The following FLNB variants were observed in gnomAD, a reference collection of about 807,000 sequenced individuals.
FLNB encodes the protein filamin B.
FLNB carries 111 observed loss-of-function variants against 250.6 expected under a neutral mutation model. That is an observed-to-expected ratio of 0.44 (90% confidence interval 0.38 to 0.52). FLNB has a LOEUF of 0.52. Among genes scored for constraint, FLNB ranks in the 20% least tolerant of loss-of-function variants. FLNB has a pLI of 0.00. For missense variants in FLNB, 2,869 were observed against 3,447.8 expected, an observed-to-expected ratio of 0.83 and a Z score of 4.20; for synonymous variants, 1,302 against 1,372.1, an observed-to-expected ratio of 0.95 and a Z score of 1.13.
chr3:58,134,811 A>T, intron 27 of FLNB, 39 bp downstream of exon 27: 2 of 1,586,532 alleles, frequency 1.3e-6, no homozygotes, highest in South Asian at 2.2e-5. Context: ...CCTTAATCCT[A>T]AGACTTAATT....
Position 58,163,161 on chromosome 3 carries a change from T to C in FLNB, c.7029T>C (p.Tyr2343=), listed in dbSNP as rs80356518. 1.9e-6 allele frequency: 3 copies of C among 1,614,054 alleles called. No individual in the cohort carries two copies. The African/African-American group carries it at 4.0e-5, about 22-fold the overall frequency. ...CTTTGCTCATTCTCCTAGATAAGTA[T>C]GCTGTTCGCTTCATCCCTCATGAGA... ...CHVSELEPDK[Y]AVRFIPHENG... is the part of the protein sequence containing the mutation. Residue 2343 remains tyrosine, a synonymous_variant, in exon 43 of 46, where the codon TAT becomes TAC. Coordinates refer to ENST00000295956, the MANE Select transcript of FLNB (RefSeq NM_001457.4).
intron 1 of FLNB, among the ~76,000 whole-genome samples, chr3:58,057,345 A>G (rs113163034): frequency 0.058 from 8,793 of 152,260 alleles, 815 homozygotes; most frequent in African/African-American, 0.2. Context: ...ACTGAATTAT[A>G]CTTCTATTAA....
chr3:58,140,896 C>T (rs951612678), intron 29 of FLNB, among the ~76,000 whole-genome samples: 5 of 152,180 alleles, frequency 3.3e-5, no homozygotes, highest in African/African-American at 9.7e-5. Flanking sequence ...TGAGCCACTG[C>T]GCCCAGCCAT....
intron 1 of FLNB, among the ~76,000 whole-genome samples, chr3:58,030,112 T>C (rs2097128889): frequency 1.3e-5 from 2 of 152,194 alleles, no homozygotes; most frequent in South Asian, 4.1e-4. Context: ...GGTTTCAGCT[T>C]TGTTAGAACA....
chr3:58,064,245 A>G (rs773195335), intron 1 of FLNB, among the ~76,000 whole-genome samples: 2 of 152,098 alleles, frequency 1.3e-5, no homozygotes, highest in Admixed American at 6.6e-5. Flanking sequence ...GGTTCAAGCA[A>G]TTCTCCTGCC....
Position 58,056,110 on chromosome 3 carries a change from T to TTA in FLNB, c.293-20935_293-20934insAT, listed in dbSNP as rs1559661901. 2.8e-3 allele frequency among the ~76,000 whole-genome samples: 377 copies of TTA among 132,856 alleles called. 2 individuals are homozygous for TTA. Among genetic ancestry groups the TTA allele is most frequent in the African/African-American group, 0.014 (356 of 25,652 alleles). The allele number at this position is 132,856 out of a possible 152,430, so 87.2% of individuals were successfully genotyped here. A position where few individuals can be genotyped will look rare whatever the true frequency, so the allele number is the denominator to read the frequency against. On this transcript the variant is annotated intron_variant, in intron 1 of 45. Coordinates refer to ENST00000295956, the MANE Select transcript of FLNB (RefSeq NM_001457.4). Reference sequence around the variant, plus strand: ...ATTTATTTATTTATTTATTTATTTTTTTTTTTTTTGAGGTGGAGTCTCACT... The same window carrying TTA: ...ATTTATTTATTTATTTATTTATTTTTTATTTTTTTTTGAGGTGGAGTCTCACT...
intron 4 of FLNB, 33 bp from the exon 5 acceptor site, chr3:58,094,803 G>A: frequency 6.3e-7 from 1 of 1,576,712 alleles, no homozygotes; most frequent in Non-Finnish European, 8.7e-7. Flanking sequence ...ACCCTCGCCT[G>A]GCTTCTAACA....
At chr3:58,033,122 G>C (rs2097133229) in intron 1 of FLNB, among the ~76,000 whole-genome samples, 1 of 152,104 alleles carries the variant, frequency 6.6e-6, no homozygotes, top group Non-Finnish European at 1.5e-5. Context: ...AGGTATAATT[G>C]TTATACAATG....
intron 32 of FLNB, among the ~76,000 whole-genome samples, chr3:58,145,238 A>G (rs2097333946): frequency 6.6e-6 from 1 of 152,152 alleles, no homozygotes; most frequent in Non-Finnish European, 1.5e-5. Flanking sequence ...ATATAATTTT[A>G]TTCTATTTTG....
chr3:58,038,760 G>T (rs1471160517), intron 1 of FLNB, among the ~76,000 whole-genome samples: 1 of 152,080 alleles, frequency 6.6e-6, no homozygotes, highest in African/African-American at 2.4e-5. Flanking sequence ...CACCTCCTTA[G>T]CTCTGGCAGT....
intron 40 of FLNB, among the ~76,000 whole-genome samples, chr3:58,155,458 T>A (rs1308758006): frequency 6.6e-6 from 1 of 152,266 alleles, no homozygotes; most frequent in Non-Finnish European, 1.5e-5. Context: ...CATGCATATC[T>A]TCGTTAATAC....
chr3:58,018,743 C>T (rs1181494936), intron 1 of FLNB, among the ~76,000 whole-genome samples: 2 of 151,964 alleles, frequency 1.3e-5, no homozygotes. Context: ...GTCTCGAACT[C>T]CCAACCTCAG....
At chr3:58,045,391 G>T (rs940042042) in intron 1 of FLNB, among the ~76,000 whole-genome samples, 2 of 152,200 alleles carry the variant, frequency 1.3e-5, no homozygotes, top group African/African-American at 4.8e-5. Flanking sequence ...ACTGCAGGCT[G>T]TAGGCAGCCC....
At chr3:58,123,808 G>A (rs2097293089) in intron 21 of FLNB, 118 bp downstream of exon 21, 1 of 816,806 alleles carries the variant, frequency 1.2e-6, no homozygotes, top group Admixed American at 2.4e-5. Context: ...ATATAAGGCG[G>A]TGCTCACCTG....
At chr3:58,064,115 CT>C in intron 1 of FLNB, among the ~76,000 whole-genome samples, 1 of 152,278 alleles carries the variant, frequency 6.6e-6, no homozygotes, top group Middle Eastern at 3.4e-3. Context: ...CAGCACAGAG[CT>C]GGGAGCTCAG....
intron 1 of FLNB, among the ~76,000 whole-genome samples, chr3:58,029,290 G>T (rs1328226045): frequency 6.6e-6 from 1 of 152,028 alleles, no homozygotes; most frequent in Non-Finnish European, 1.5e-5. Context: ...TCCCCCCTCA[G>T]ATTAGCATGT....
Position 58,109,622 on chromosome 3 carries a change from G to GGCCA in FLNB, c.2248_2251dup (p.Gly751AlafsTer12). On this transcript the variant is annotated frameshift_variant, in exon 15 of 46. Transcript: ENST00000295956. LOFTEE classifies it high-confidence loss of function. ...CATCCTCAGAAGGTCAAAGTGTTTG[G>GGCCA]GCCAGGTGTGGAGAGAAGTGGTCTG... 1 of 1,614,132 alleles carries GGCCA rather than the reference G, an allele frequency of 6.2e-7. No homozygotes were observed. The highest frequency in any genetic ancestry group is 8.5e-7 in the Non-Finnish European group (1 of 1,180,032).
intron 20 of FLNB, 25 bp from the exon 21 acceptor site, chr3:58,123,068 T>A (rs2097291775): frequency 6.2e-7 from 1 of 1,603,582 alleles, no homozygotes; most frequent in East Asian, 2.2e-5. Flanking sequence ...CCAGTGCAGT[T>A]TGACTTTATT....
Position 58,081,725 on chromosome 3 carries a change from G to T in FLNB, c.736G>T (p.Ala246Ser). 6.2e-7 allele frequency: 1 copy of T among 1,614,070 alleles called. No homozygotes were observed. Among genetic ancestry groups the T allele is most frequent in the Non-Finnish European group, 8.5e-7 (1 of 1,180,002 alleles). ...QFPKAKLKPG[A>S]PLKPKLNPKK... Reference sequence around the variant, plus strand: ...CCCCAAAGCCAAGCTCAAGCCGGGGGCTCCTCTCAAACCCAAACTCAACCC... The same window carrying T: ...CCCCAAAGCCAAGCTCAAGCCGGGGTCTCCTCTCAAACCCAAACTCAACCC... The change falls in exon 4 of 46, where the codon GCT (alanine) becomes TCT (serine). Residue 246 changes from alanine (A) to serine (S), a missense_variant. Physicochemically the swap from Ala to Ser is moderately conservative, Grantham distance 99. Coordinates refer to ENST00000295956, the MANE Select transcript of FLNB (RefSeq NM_001457.4).
Sources: allele counts gnomAD v4.1 joint callset (sites outside exome capture counted in the v4.1 genomes callset), GRCh38; gene constraint gnomAD v4.1.1; transcripts MANE v1.5; gene names NCBI Gene and HGNC (gene_info 2026-07-23, HGNC 2026-07-21).